Variants in LRTM1 observed in about 807,000 individuals in gnomAD.
LRTM1 encodes the protein leucine rich repeat transmembrane protein 1, also known as leucine-rich repeat and transmembrane domain-containing protein 1.
In LRTM1, 38 loss-of-function variants were observed where a neutral mutation model predicts 32.4. The observed-to-expected ratio is 1.17, with a 90% CI of 0.91 to 1.54. The LOEUF (loss-of-function observed/expected upper bound fraction) is 1.54. Among genes scored for constraint, LRTM1 ranks in the 40% most tolerant of loss-of-function variants. LRTM1 has a pLI of 0.00. For synonymous variants in LRTM1, 186 were observed against 169.9 expected (o/e 1.09, Z -0.74); for missense variants, 466 against 415.4 (o/e 1.12, Z -1.06).
rs1456257719 is a variant in LRTM1 at position 54,918,629 on chromosome 3, T to C, written c.868A>G (p.Ile290Val). 1.9e-6 allele frequency: 3 copies of C among 1,614,064 alleles called. No individual in the cohort carries two copies. The highest frequency in any genetic ancestry group is 1.7e-6 in the Non-Finnish European group (2 of 1,180,042). The change falls in exon 3 of 3, where the codon ATC becomes GTC. Residue 290 changes from isoleucine to valine, a missense_variant. Coordinates refer to ENST00000273286, the MANE Select transcript of LRTM1 (RefSeq NM_020678.4). The part of the protein sequence containing the change: ...ANLRHAIATV[I>V]ITGVVCGIVC... Reference sequence around the variant, plus strand: ...ATCCCACACACAACGCCAGTGATGATGACAGTGGCAATGGCATGACGCAGG... The same window carrying C: ...ATCCCACACACAACGCCAGTGATGACGACAGTGGCAATGGCATGACGCAGG...
chr3:54,966,304 G>A (rs1226666042), intron 1 of LRTM1, among the ~76,000 whole-genome samples: 1 of 152,138 alleles, frequency 6.6e-6, no homozygotes, highest in East Asian at 1.9e-4. Flanking sequence ...GGCCTGTCAG[G>A]CATTTGGAAG....
chr3:54,948,302 C>T (rs897046882), intron 1 of LRTM1, among the ~76,000 whole-genome samples: 3 of 152,194 alleles, frequency 2.0e-5, no homozygotes, highest in African/African-American at 7.2e-5. Context: ...AATTCTCTCA[C>T]TGTATCACCT....
intron 1 of LRTM1, among the ~76,000 whole-genome samples, chr3:54,947,328 CA>C (rs1180366906): frequency 1.2e-4 from 19 of 152,242 alleles, no homozygotes; most frequent in African/African-American, 4.3e-4. Context: ...ATCTTCCAAG[CA>C]GTGCTAATGC....
At chr3:54,955,443 C>A (rs1701863493) in intron 1 of LRTM1, among the ~76,000 whole-genome samples, 1 of 151,778 alleles carries the variant, frequency 6.6e-6, no homozygotes, top group South Asian at 2.1e-4. Flanking sequence ...AAGACAATTG[C>A]ATTTCTTTTG....
At chr3:54,925,569 G>A (rs1355631566) in intron 1 of LRTM1, among the ~76,000 whole-genome samples, 1 of 152,150 alleles carries the variant, frequency 6.6e-6, no homozygotes, top group Non-Finnish European at 1.5e-5. Context: ...AATTATTTGG[G>A]GCCAGATGTG....
chr3:54,963,314 ATCCTTAAGGAGTGCTAGGG>A (rs1489686885), intron 1 of LRTM1, among the ~76,000 whole-genome samples: 2 of 151,988 alleles, frequency 1.3e-5, no homozygotes, highest in Middle Eastern at 3.2e-3. Flanking sequence ...TGTACCTTCC[ATCCTTAAGGAGTGCTAGGG>A]TCCATTTCTT....
At chr3:54,942,357 C>T (rs920906222) in intron 1 of LRTM1, among the ~76,000 whole-genome samples, 3 of 152,184 alleles carry the variant, frequency 2.0e-5, no homozygotes, top group Non-Finnish European at 2.9e-5. Context: ...TCTGCCATCC[C>T]CTCCCACAGT....
At chr3:54,940,605 C>G (rs534935285) in intron 1 of LRTM1, among the ~76,000 whole-genome samples, 2 of 152,080 alleles carry the variant, frequency 1.3e-5, no homozygotes, top group Non-Finnish European at 1.5e-5. Flanking sequence ...ACAGGCTACT[C>G]CCAAACTGTC....
chr3:54,958,868 C>T (rs949763241), intron 1 of LRTM1, among the ~76,000 whole-genome samples: 4 of 152,098 alleles, frequency 2.6e-5, no homozygotes, highest in South Asian at 2.1e-4. Flanking sequence ...CTTTGGGAGG[C>T]CAAGGCAGGA....
chr3:54,933,903 G>C (rs1701267906), intron 1 of LRTM1, among the ~76,000 whole-genome samples: 1 of 151,848 alleles, frequency 6.6e-6, no homozygotes, highest in Admixed American at 6.6e-5. Flanking sequence ...GGAGTAGCTG[G>C]GATTACAGGC....
chr3:54,930,300 C>G (rs1397303440), upstream of LRTM1, among the ~76,000 whole-genome samples: 1 of 152,144 alleles, frequency 6.6e-6, no homozygotes, highest in African/African-American at 2.4e-5. Context: ...CCTCATCTAT[C>G]AAATGAGGGG....
chr3:54,954,987 C>G (rs949655415), intron 1 of LRTM1, among the ~76,000 whole-genome samples: 1 of 152,172 alleles, frequency 6.6e-6, no homozygotes, highest in African/African-American at 2.4e-5. Context: ...ACCAGCTATG[C>G]TTAGGGAATA....
At chr3:54,925,982 A>G (rs1303070749) in intron 1 of LRTM1, among the ~76,000 whole-genome samples, 4 of 152,306 alleles carry the variant, frequency 2.6e-5, no homozygotes, top group African/African-American at 7.2e-5. Context: ...CCCATTTTCT[A>G]TAATAGTTCT....
rs1034356448 is a variant in LRTM1, at chr3:54,918,831, A to G, written c.666T>C (p.Leu222=). The G allele has an allele frequency of 9.4e-6, 15 of 1,597,118 alleles. 2 individuals are homozygous for G. Among genetic ancestry groups the G allele is most frequent in the Non-Finnish European group, 7.7e-6 (9 of 1,169,002 alleles). ...SPDTWKGKDL[L]RIPHELYQPC... is the part of the protein sequence containing the mutation. ...GCTGGTACAGCTCATGAGGGATCCT[A>G]AGGAGGTCCTTTCCCTTCCAGGTGT... The change falls in exon 3 of 3, where the codon CTT becomes CTC. Residue 222 remains leucine (L), a synonymous_variant. Coordinates refer to ENST00000273286, the MANE Select transcript of LRTM1 (RefSeq NM_020678.4).
Position 54,926,833 on chromosome 3 carries a change from GCTGTGCAGGAACTGGGAGAGGGT to G in LRTM1, c.7+1049_7+1071del, listed in dbSNP as rs1383282616. 1.2e-3 allele frequency among the ~76,000 whole-genome samples: 189 copies of G among 152,200 alleles called. 3 individuals are homozygous for G. The highest frequency in any genetic ancestry group is 2.4e-4 in the Non-Finnish European group (16 of 68,010). On this transcript the variant is annotated intron_variant, in intron 1 of 2. Transcript: ENST00000273286. ...CAGCATCCTTGTTCAGACTGCCTTGGCTGTGCAGGAACTGGGAGAGGGTCTCTGGAATCCAGAGAAATCTTCTC... is the reference window on the plus strand; with the variant it reads ...CAGCATCCTTGTTCAGACTGCCTTGGCTCTGGAATCCAGAGAAATCTTCTC...
intron 2 of LRTM1, among the ~76,000 whole-genome samples, chr3:54,920,754 CA>C (rs1023983213): frequency 6.6e-5 from 10 of 152,176 alleles, no homozygotes; most frequent in Non-Finnish European, 1.0e-4. Context: ...AGACTTCTAT[CA>C]GGGGAAGCAA....
intron 1 of LRTM1, among the ~76,000 whole-genome samples, chr3:54,955,863 G>A (rs1303131470): frequency 6.6e-6 from 1 of 152,152 alleles, no homozygotes. Flanking sequence ...ACGAAACCTG[G>A]TGAGAGTCAA....
Position 54,918,618 on chromosome 3 carries a change from G to A in LRTM1, c.879C>T (p.Gly293=), listed in dbSNP as rs1700736011. 3 of 1,614,094 alleles carry A rather than the reference G, an allele frequency of 1.9e-6. No individual in the cohort carries two copies. The highest frequency in any genetic ancestry group is 1.1e-5 in the South Asian group (1 of 91,070). Reference sequence around the variant, plus strand: ...TGAGACACACAATCCCACACACAACGCCAGTGATGATGACAGTGGCAATGG... The same window carrying A: ...TGAGACACACAATCCCACACACAACACCAGTGATGATGACAGTGGCAATGG... ...RHAIATVIIT[G]VVCGIVCLMM... The change falls in exon 3 of 3, where the codon GGC becomes GGT. Residue 293 remains glycine (G), a synonymous_variant. Coordinates refer to ENST00000273286, the MANE Select transcript of LRTM1 (RefSeq NM_020678.4).
rs1701980422 is a variant in LRTM1 at position 54,959,493 on chromosome 3, G to C, written c.-222+7435C>G. On this transcript the variant is annotated intron_variant, in intron 1 of 2. Coordinates refer to the LRTM1 transcript ENST00000493075. ...AGTCATAAACATCCAACTCAGAGAT[G>C]TTTGGCAACTATATGTGGCTGTTCT... 2.0e-5 allele frequency among the ~76,000 whole-genome samples: 3 copies of C among 147,788 alleles called. No individual in the cohort carries two copies. The South Asian group carries it at 6.9e-4, about 34-fold the overall frequency.
Sources: allele counts gnomAD v4.1 joint callset (sites outside exome capture counted in the v4.1 genomes callset), GRCh38; gene constraint gnomAD v4.1.1; transcripts MANE v1.5; gene names NCBI Gene and HGNC (gene_info 2026-07-23, HGNC 2026-07-21).